Variants in LRP10 observed in about 807,000 individuals in gnomAD.
LRP10 encodes low-density lipoprotein receptor-related protein 10.
A neutral mutation model predicts 58.5 loss-of-function variants in LRP10; 42 were observed. The ratio of observed to expected loss-of-function variants is 0.72; its 90% CI spans 0.56 to 0.93. The LOEUF is 0.93. Among genes scored for constraint, LRP10 ranks in the 40% least tolerant of loss-of-function variants. The pLI is 0.00. For missense variants in LRP10, 872 were observed against 940.1 expected (o/e 0.93, Z 0.95); for synonymous variants, 377 against 388.5 (o/e 0.97, Z 0.35).
chr14:22,873,004 C>G (rs1398987903), intron 2 of LRP10: 1 of 612,386 alleles, frequency 1.6e-6, no homozygotes, highest in Non-Finnish European at 2.9e-6. Context: ...CTTGATCGTC[C>G]TAACCAGGAT....
At position 22,875,954 on chromosome 14, in the gene LRP10, C is replaced by G. The variant is rs1279725517; in HGVS notation, c.1006C>G (p.Gln336Glu). 17 of 1,613,678 alleles carry G rather than the reference C, an allele frequency of 1.1e-5. No homozygotes were observed. Among genetic ancestry groups the G allele is most frequent in the Non-Finnish European group, 1.4e-5 (17 of 1,180,036 alleles). Residue 336 changes from glutamine to glutamate, a missense_variant, in exon 5 of 7, where the codon CAG (glutamine) becomes GAG (glutamate). Transcript: ENST00000359591. ...GLGERCYSEAQRCDGSWDCAD... is the reference protein window; with the variant it reads ...GLGERCYSEAERCDGSWDCAD... ...AGGTGAGCGCTGCTACAGTGAGGCA[C>G]AGCGCTGTGACGGCTCATGGGACTG...
rs1485336006 is a variant in LRP10 at position 22,880,052 on chromosome 14, T to C, written c.*2525T>C. On this transcript the variant is annotated 3_prime_UTR_variant, in exon 7 of 7. Transcript: ENST00000359591. ...TCAGCATGAGATAGGGTTCAGGCTG[T>C]GAATCAGAGTCTAGAGCCTAAGATA... is the stretch of plus-strand genomic sequence containing the variant. 2 of 152,102 alleles carry C rather than the reference T, an allele frequency of 1.3e-5. No individual in the cohort carries two copies. The highest frequency in any genetic ancestry group is 2.4e-5 in the African/African-American group (1 of 41,376). The allele number at this position is 152,102 out of a possible 1,614,324, so 9.4% of individuals were successfully genotyped here. A position where few individuals can be genotyped will look rare whatever the true frequency, so the allele number is the denominator to read the frequency against.
At chr14:22,872,944 T>C (rs2039971337) in intron 2 of LRP10, 162 bp downstream of exon 2, 1 of 692,610 alleles carries the variant, frequency 1.4e-6, no homozygotes, top group Non-Finnish European at 2.5e-6. Context: ...GTGTGGACCT[T>C]CATCTGGTAG....
At position 22,875,535 on chromosome 14, in the gene LRP10, T is replaced by C; in HGVS notation, c.587T>C (p.Leu196Ser). 2 of 1,614,184 alleles carry C rather than the reference T, an allele frequency of 1.2e-6. No homozygotes were observed. Among genetic ancestry groups the C allele is most frequent in the East Asian group, 2.2e-5 (1 of 44,880 alleles). ...CCCTCCCTGCCTTGCAATGTCACCT[T>C]GGAGGACTTCTATGGGGTCTTCTCC... ...PVPSLPCNVTLEDFYGVFSSP... is the reference protein window; with the variant it reads ...PVPSLPCNVTSEDFYGVFSSP... The change falls in exon 5 of 7, where the codon TTG (leucine) becomes TCG (serine). Residue 196 changes from leucine to serine, a missense_variant. Transcript: ENST00000359591.
At position 22,876,243 on chromosome 14, in the gene LRP10, A is replaced by T; in HGVS notation, c.1295A>T (p.Asp432Val). The change falls in exon 5 of 7, where the codon GAC becomes GTC. Residue 432 changes from aspartate (D) to valine (V), a missense_variant. Transcript: ENST00000359591. ...PDCADGSDEW[D>V]CSYVLPRKVI... ...TGTGCGGACGGCAGTGATGAGTGGG[A>T]CTGCTCCTATGTTCTGCCCCGCAAG... 6.2e-7 allele frequency: 1 copy of T among 1,614,134 alleles called. No individual in the cohort carries two copies. Among genetic ancestry groups the T allele is most frequent in the African/African-American group, 1.3e-5 (1 of 75,050 alleles).
intron 5 of LRP10, 148 bp from the exon 6 acceptor site, chr14:22,876,541 G>T: frequency 7.6e-7 from 1 of 1,320,542 alleles, no homozygotes; most frequent in South Asian, 1.4e-5. Flanking sequence ...AGTTTCAAGG[G>T]AGGAGGGACC....
At position 22,881,016 on chromosome 14, in the gene LRP10, A is replaced by G. The variant is rs1595034214; in HGVS notation, c.*3489A>G. The G allele has an allele frequency of 6.6e-6, 1 of 152,208 alleles. No homozygotes were observed. Among genetic ancestry groups the G allele is most frequent in the East Asian group, 1.9e-4 (1 of 5,202 alleles). The allele number at this position is 152,208 out of a possible 1,614,324, so 9.4% of individuals were successfully genotyped here. A position where few individuals can be genotyped will look rare whatever the true frequency, so the allele number is the denominator to read the frequency against. On this transcript the variant is annotated 3_prime_UTR_variant, in exon 7 of 7. Transcript: ENST00000359591. ...AGACAAGACTCCATCTCAAAAAAAA[A>G]AGTGAGTGCCCGATGATGCCAGATT...
rs547859500 is a variant in LRP10, at chr14:22,873,768, C to G, written c.215+322C>G. Reference sequence around the variant, plus strand: ...TCTTGAACTCCTCACCTCAAGTGATCCACCCGCCTGGGCCTCCCAAAGTGC... The same window carrying G: ...TCTTGAACTCCTCACCTCAAGTGATGCACCCGCCTGGGCCTCCCAAAGTGC... On this transcript the variant is annotated intron_variant, in intron 3 of 6. Transcript: ENST00000359591. 2.3e-3 allele frequency among the ~76,000 whole-genome samples: 356 copies of G among 152,300 alleles called. 1 individual carries two copies. Among genetic ancestry groups the G allele is most frequent in the Non-Finnish European group, 3.6e-3 (245 of 68,032 alleles).
At position 22,871,973 on chromosome 14, in the gene LRP10, A is replaced by G; in HGVS notation, c.-331A>G. ...CGGCAGGTGGCGACCAGGCCAGACC[A>G]GGGGCGCTCGCTGCCTGCGGGCGGG... On this transcript the variant is annotated 5_prime_UTR_variant, in exon 1 of 7. Coordinates refer to ENST00000359591, the MANE Select transcript of LRP10 (RefSeq NM_014045.5). 6.1e-6 allele frequency: 3 copies of G among 493,456 alleles called. 1 individual carries two copies. The South Asian group carries it at 6.6e-5, about 11-fold the overall frequency. 30.6% of individuals were successfully genotyped at this position (493,456 alleles called of 1,614,324 possible).
intron 1 of LRP10, among the ~76,000 whole-genome samples, 177 bp downstream of exon 1, chr14:22,872,514 G>A (rs2039966074): frequency 1.3e-5 from 2 of 150,404 alleles, no homozygotes; most frequent in South Asian, 4.2e-4. Flanking sequence ...GCTGGGCCCT[G>A]GTCCTCTCTC....
At position 22,878,982 on chromosome 14, in the gene LRP10, G is replaced by A. The variant is rs916596692; in HGVS notation, c.*1455G>A. The stretch of plus-strand genomic sequence containing the variant: ...GTGATGCCTCAGGAACAAAACTGAG[G>A]AATTCCCTAACGGACCCAGTCCCTG... On this transcript the variant is annotated 3_prime_UTR_variant, in exon 7 of 7. Coordinates refer to ENST00000359591, the MANE Select transcript of LRP10 (RefSeq NM_014045.5). The A allele has an allele frequency of 2.5e-5, 8 of 314,444 alleles. No individual in the cohort carries two copies. Among genetic ancestry groups the A allele is most frequent in the South Asian group, 1.7e-4 (7 of 41,756 alleles). 19.5% of individuals were successfully genotyped at this position (314,444 alleles called of 1,614,324 possible).
Position 22,872,742 on chromosome 14 carries a change from C to T in LRP10, c.39C>T (p.Gly13=), listed in dbSNP as rs34294471. 0.017 allele frequency: 26,847 copies of T among 1,613,914 alleles called. 781 individuals are homozygous for T. The highest frequency in any genetic ancestry group is 0.11 in the African/African-American group (8,325 of 74,966). The change falls in exon 2 of 7, where the codon GGC becomes GGT. Residue 13 remains glycine, a synonymous_variant. Coordinates refer to ENST00000359591, the MANE Select transcript of LRP10 (RefSeq NM_014045.5). The part of the protein sequence containing the change: ...LATLLLLLLG[G]ALAHPDRIIF... ...CCTTTCTCGTTCCTCCTCTAGGAGG[C>T]GCTCTGGCCCATCCAGACCGGATTA...
At position 22,876,253 on chromosome 14, in the gene LRP10, T is replaced by C. The variant is rs1338017574; in HGVS notation, c.1305T>C (p.Tyr435=). Reference sequence around the variant, plus strand: ...GCAGTGATGAGTGGGACTGCTCCTATGTTCTGCCCCGCAAGGTCATTACAG... The same window carrying C: ...GCAGTGATGAGTGGGACTGCTCCTACGTTCTGCCCCGCAAGGTCATTACAG... ...ADGSDEWDCS[Y]VLPRKVITAA... The change falls in exon 5 of 7, where the codon TAT becomes TAC. Residue 435 remains tyrosine (Y), a synonymous_variant. Transcript: ENST00000359591. The C allele has an allele frequency of 1.2e-6, 2 of 1,614,188 alleles. No homozygotes were observed. The highest frequency in any genetic ancestry group is 2.2e-5 in the South Asian group (2 of 91,090).
Position 22,877,164 on chromosome 14 carries a change from T to C in LRP10, c.1779T>C (p.Asp593=). 6.2e-7 allele frequency: 1 copy of C among 1,604,796 alleles called. No homozygotes were observed. Among genetic ancestry groups the C allele is most frequent in the South Asian group, 1.1e-5 (1 of 89,774 alleles). Residue 593 remains aspartate, a synonymous_variant, in exon 7 of 7, where the codon GAT becomes GAC. Transcript: ENST00000359591. The surrounding 1 kb of genome is among the most constrained non-coding windows in gnomAD (Gnocchi z 5.1). Reference sequence around the variant, plus strand: ...CTGCTGCTCCCCTTGAGGCCCTAGATGGTGGCACAGGTCCAGCCCGTGAGG... The same window carrying C: ...CTGCTGCTCCCCTTGAGGCCCTAGACGGTGGCACAGGTCCAGCCCGTGAGG... ...TPSAAPLEAL[D]GGTGPAREGG...
rs566123910 is a variant in LRP10 at position 22,877,259 on chromosome 14, C to G, written c.1874C>G (p.Ala625Gly). 138 of 1,611,046 alleles carry G rather than the reference C, an allele frequency of 8.6e-5. No individual in the cohort carries two copies. The East Asian group carries it at 2.8e-3, about 33-fold the overall frequency. Residue 625 changes from alanine to glycine, a missense_variant, in exon 7 of 7, where the codon GCT becomes GGT. Coordinates refer to ENST00000359591, the MANE Select transcript of LRP10 (RefSeq NM_014045.5). The surrounding 1 kb of genome is among the most constrained non-coding windows in gnomAD (Gnocchi z 5.1). Reference sequence around the variant, plus strand: ...CCCATCAAGGCTCCCCTCCCATCTGCTAGCACGTCTCCAGCCCCCACTACT... The same window carrying G: ...CCCATCAAGGCTCCCCTCCCATCTGGTAGCACGTCTCCAGCCCCCACTACT... ...PLPIKAPLPSASTSPAPTTVP... is the reference protein window; with the variant it reads ...PLPIKAPLPSGSTSPAPTTVP...
intron 3 of LRP10, 91 bp downstream of exon 3, chr14:22,873,537 T>G: frequency 6.8e-7 from 1 of 1,470,394 alleles, no homozygotes; most frequent in African/African-American, 1.4e-5. Flanking sequence ...TTTTTTTTTT[T>G]TTTTGAGACG....
rs2138786860 is a variant in LRP10, at chr14:22,877,254, A to G, written c.1869A>G (p.Pro623=). The G allele has an allele frequency of 6.2e-7, 1 of 1,610,500 alleles. No individual in the cohort carries two copies. The highest frequency in any genetic ancestry group is 8.5e-7 in the Non-Finnish European group (1 of 1,178,148). Residue 623 remains proline, a synonymous_variant, in exon 7 of 7, where the codon CCA becomes CCG. Coordinates refer to ENST00000359591, the MANE Select transcript of LRP10 (RefSeq NM_014045.5). This position sits in a 1 kb window ranked among gnomAD's most constrained non-coding sequence, Gnocchi z 5.1. ...APPLPIKAPL[P]SASTSPAPTT... is the part of the protein sequence containing the mutation. ...CACTGCCCATCAAGGCTCCCCTCCC[A>G]TCTGCTAGCACGTCTCCAGCCCCCA...
In LRP10 at chr14:22,879,509, C is replaced by T. The variant is rs1005556168; in HGVS notation, c.*1982C>T. The T allele has an allele frequency of 9.2e-6, 2 of 217,160 alleles. No individual in the cohort carries two copies. Among genetic ancestry groups the T allele is most frequent in the Non-Finnish European group, 2.0e-5 (2 of 99,472 alleles). 13.5% of individuals were successfully genotyped at this position (217,160 alleles called of 1,614,324 possible). On this transcript the variant is annotated 3_prime_UTR_variant, in exon 7 of 7. Transcript: ENST00000359591. ...CCTTTGCTCTTCTCTTCCCCCATAG[C>T]CACCTCAAATACCTGCAGCCTGATA...
intron 5 of LRP10, 114 bp from the exon 6 acceptor site, chr14:22,876,575 T>TGGCAC: frequency 6.8e-7 from 1 of 1,465,558 alleles, no homozygotes; most frequent in Non-Finnish European, 9.3e-7. Flanking sequence ...GGGAAAGCCA[T>TGGCAC]GGCACAGCTC....
Sources: gnomAD v4.1 joint callset for allele counts (sites outside exome capture counted in the v4.1 genomes callset) on GRCh38, gnomAD v4.1.1 for gene constraint, Gnocchi (gnomAD v3.1) non-coding constraint, MANE v1.5 for transcripts, NCBI Gene and HGNC (gene_info 2026-07-23, HGNC 2026-07-21) for gene names.